The following RBFOX1 variants were observed in gnomAD, a reference collection of about 807,000 sequenced individuals.
RBFOX1 encodes the protein RNA binding fox-1 homolog 1, also known as RNA binding protein fox-1 homolog 1.
A neutral mutation model predicts 57.7 loss-of-function variants in RBFOX1; 8 were observed. The ratio of observed to expected loss-of-function variants is 0.14; its 90% CI spans 0.08 to 0.25. The LOEUF is 0.25. Among genes scored for constraint, RBFOX1 ranks in the 10% least tolerant of loss-of-function variants. The probability of loss-of-function intolerance (pLI) is 1.00; values close to 1 mark genes in which losing one functional copy is unlikely to be tolerated. For synonymous variants in RBFOX1, 326 were observed against 222.4 expected (o/e 1.47, Z -4.15); for missense variants, 611 against 548.5 (o/e 1.11, Z -1.14).
intron 4 of RBFOX1, among the ~76,000 whole-genome samples, chr16:7,118,292 AAGG>A (rs2066360073): frequency 7.2e-5 from 11 of 152,120 alleles, no homozygotes; most frequent in Admixed American, 7.2e-4. Flanking sequence ...CTGGCTGGGT[AAGG>A]TGGTAGCTCA....
chr16:5,501,278 A>G (rs2043184838), intron 2 of RBFOX1, among the ~76,000 whole-genome samples: 2 of 144,706 alleles, frequency 1.4e-5, no homozygotes, highest in Non-Finnish European at 3.0e-5. Flanking sequence ...AGATTGCTCC[A>G]CTACATTCCA....
At chr16:5,317,279 C>T (rs1316114709) in intron 1 of RBFOX1, among the ~76,000 whole-genome samples, 2 of 152,142 alleles carry the variant, frequency 1.3e-5, no homozygotes, top group African/African-American at 2.4e-5. Flanking sequence ...CTGACAAAAT[C>T]ACCTAGTCTG....
At chr16:6,687,300 G>C (rs189102314) in intron 3 of RBFOX1, among the ~76,000 whole-genome samples, 1 of 152,166 alleles carries the variant, frequency 6.6e-6, no homozygotes, top group East Asian at 1.9e-4. Context: ...GAGGTTGGGA[G>C]GAGAATGTGG....
intron 2 of RBFOX1, among the ~76,000 whole-genome samples, chr16:6,477,768 C>G (rs1028152538): frequency 1.3e-5 from 2 of 152,212 alleles, no homozygotes; most frequent in African/African-American, 4.8e-5. Flanking sequence ...CAAGAGAAGA[C>G]TGTTTTGTCT....
chr16:5,745,517 T>G (rs1355843111), intron 3 of RBFOX1, among the ~76,000 whole-genome samples: 1 of 152,218 alleles, frequency 6.6e-6, no homozygotes, highest in African/African-American at 2.4e-5. Context: ...GGAATCGCCT[T>G]ACTGTCTTCC....
chr16:7,005,491 T>G (rs7186324), intron 3 of RBFOX1, among the ~76,000 whole-genome samples: 123,119 of 152,186 alleles, frequency 0.81, 50,433 homozygotes, highest in African/African-American at 0.93. Flanking sequence ...AGGAACCCAG[T>G]AATGGCAGGT....
chr16:5,820,076 C>T (rs541954565), intron 3 of RBFOX1, among the ~76,000 whole-genome samples: 6 of 152,202 alleles, frequency 3.9e-5, no homozygotes, highest in Admixed American at 6.5e-5. Context: ...TGAGACATTG[C>T]GCTTCTGCAC....
intron 1 of RBFOX1, among the ~76,000 whole-genome samples, chr16:5,354,596 G>A (rs567309163): frequency 6.6e-6 from 1 of 152,364 alleles, no homozygotes; most frequent in African/African-American, 2.4e-5. Flanking sequence ...TTAATCTTAA[G>A]CCGCTTTTCC....
Position 5,792,253 on chromosome 16 carries a change from T to C in RBFOX1, c.319-75050T>C, listed in dbSNP as rs183775909. On this transcript the variant is annotated intron_variant, in intron 3 of 19. Transcript: ENST00000641259. ...CTGTAAATGGTCAGTTCTGTTGTTA[T>C]TCCTGTTCCAGCCCTCTGTAATCCC... 5.9e-5 allele frequency among the ~76,000 whole-genome samples: 9 copies of C among 152,338 alleles called. No individual in the cohort carries two copies. The East Asian group carries it at 1.7e-3, about 29-fold the overall frequency.
intron 2 of RBFOX1, among the ~76,000 whole-genome samples, chr16:6,319,164 T>C (rs778469893): frequency 3.3e-5 from 5 of 152,118 alleles, no homozygotes; most frequent in Non-Finnish European, 7.4e-5. Flanking sequence ...GACCTAGTAG[T>C]TGGAATTTGT....
At chr16:6,405,057 C>G (rs1418879486) in intron 2 of RBFOX1, among the ~76,000 whole-genome samples, 1 of 152,178 alleles carries the variant, frequency 6.6e-6, no homozygotes, top group Non-Finnish European at 1.5e-5. Flanking sequence ...CTGCATAACA[C>G]AATGATCAAG....
At chr16:6,934,440 C>G (rs1036762734) in intron 3 of RBFOX1, among the ~76,000 whole-genome samples, 2 of 152,128 alleles carry the variant, frequency 1.3e-5, no homozygotes, top group Non-Finnish European at 2.9e-5. Flanking sequence ...TTTATTGCAG[C>G]ACTACTTAAA....
intron 3 of RBFOX1, among the ~76,000 whole-genome samples, chr16:6,882,381 C>G (rs74690018): frequency 0.041 from 6,311 of 152,076 alleles, 422 homozygotes; most frequent in African/African-American, 0.14. Context: ...CCTAACCTCT[C>G]TGATTCTCTC....
intron 4 of RBFOX1, among the ~76,000 whole-genome samples, chr16:7,192,377 G>C (rs2085618628): frequency 6.6e-6 from 1 of 152,164 alleles, no homozygotes; most frequent in Admixed American, 6.5e-5. Context: ...GTGCTTCTCT[G>C]AATCCTAGTA....
intron 3 of RBFOX1, among the ~76,000 whole-genome samples, chr16:6,940,050 A>G (rs1009216576): frequency 6.6e-6 from 1 of 152,134 alleles, no homozygotes; most frequent in African/African-American, 2.4e-5. Context: ...CCCTGTCTCT[A>G]CTGAAAATAC....
intron 2 of RBFOX1, among the ~76,000 whole-genome samples, chr16:6,643,350 T>C (rs77041503): frequency 0.025 from 3,846 of 152,264 alleles, 155 homozygotes; most frequent in African/African-American, 0.088. Flanking sequence ...AATCTATCAC[T>C]GCAAACATTT....
At chr16:5,404,934 G>C (rs931207039) in intron 1 of RBFOX1, among the ~76,000 whole-genome samples, 5 of 152,190 alleles carry the variant, frequency 3.3e-5, no homozygotes, top group Non-Finnish European at 7.3e-5. Context: ...TGGGTCTGAG[G>C]AACTTTTGGA....
rs532916489 is a variant in RBFOX1 at position 5,784,299 on chromosome 16, C to T, written c.319-83004C>T. 3.8e-3 allele frequency among the ~76,000 whole-genome samples: 576 copies of T among 152,194 alleles called. 5 individuals are homozygous for T. The highest frequency in any genetic ancestry group is 0.013 in the African/African-American group (553 of 41,544). On this transcript the variant is annotated intron_variant, in intron 3 of 19. Coordinates refer to the RBFOX1 transcript ENST00000641259. ...AAAATTAGCTGGGCGTGGTGGCTGG[C>T]GCCTGTAGTCCCAGCTACTTGGGAG...
rs1275397568 is a variant in RBFOX1, at chr16:6,643,367, ATTC to A, written c.-63-11232_-63-11230del. ...TCTATCACTGCAAACATTTTATACT[ATTC>A]TTCATGTATTCAAGTAAACTGATTT... On this transcript the variant is annotated intron_variant, in intron 2 of 15. Transcript: ENST00000550418. 7.6e-4 allele frequency among the ~76,000 whole-genome samples: 116 copies of A among 152,222 alleles called. 1 individual carries two copies. Among genetic ancestry groups the A allele is most frequent in the Non-Finnish European group, 7.6e-4 (52 of 68,026 alleles).
Sources: allele counts gnomAD v4.1 joint callset (sites outside exome capture counted in the v4.1 genomes callset), GRCh38; gene constraint gnomAD v4.1.1; transcripts MANE v1.5; gene names NCBI Gene and HGNC (gene_info 2026-07-23, HGNC 2026-07-21).